The following ACYP2 variants were observed in gnomAD, a reference collection of about 807,000 sequenced individuals.
ACYP2 encodes the protein acylphosphatase-2.
Under a neutral mutation model 11.2 loss-of-function variants are expected in ACYP2, and 12 were observed. The ratio of observed to expected loss-of-function variants is 1.08; its 90% CI spans 0.69 to 1.74. The LOEUF is 1.74. Ranked by LOEUF, ACYP2 falls within the 40% of genes most tolerant of loss-of-function variation. The pLI is 0.00. For missense variants in ACYP2, 134 were observed against 101.9 expected, an observed-to-expected ratio of 1.31 and a Z score of -1.35; for synonymous variants, 43 against 32.2, an observed-to-expected ratio of 1.33 and a Z score of -1.13.
chr2:54,035,249 A>ATTTCTT (rs1197183207), intron 2 of ACYP2, among the ~76,000 whole-genome samples: 1 of 147,864 alleles, frequency 6.8e-6, no homozygotes, highest in Non-Finnish European at 1.5e-5. Context: ...ACTAGAGACA[A>ATTTCTT]TTTCTTTTTC....
chr2:54,240,280 G>C (rs1283550395), intron 6 of ACYP2, among the ~76,000 whole-genome samples: 1 of 152,090 alleles, frequency 6.6e-6, no homozygotes, highest in East Asian at 1.9e-4. Flanking sequence ...CCTAAGAAGG[G>C]AATAATGAAT....
intron 4 of ACYP2, 89 bp from the exon 1 acceptor site, chr2:54,115,526 C>T (rs1256769445): frequency 2.0e-6 from 3 of 1,489,638 alleles, no homozygotes; most frequent in Non-Finnish European, 2.7e-6. Context: ...CTCCCAGGCC[C>T]CGCAGTCTCA....
At chr2:54,191,771 C>G (rs1323559614) in intron 6 of ACYP2, among the ~76,000 whole-genome samples, 4 of 152,160 alleles carry the variant, frequency 2.6e-5, no homozygotes, top group African/African-American at 9.7e-5. Context: ...TTTGAATACC[C>G]TCCCTCCCCC....
chr2:54,098,755 G>A (rs1039202322), intron 4 of ACYP2, among the ~76,000 whole-genome samples: 13 of 147,198 alleles, frequency 8.8e-5, no homozygotes, highest in Non-Finnish European at 1.6e-4. Flanking sequence ...TAAAGACAGG[G>A]TCTCACTCTG....
chr2:54,076,099 C>T (rs959098722), intron 4 of ACYP2, among the ~76,000 whole-genome samples: 3 of 152,152 alleles, frequency 2.0e-5, no homozygotes, highest in Admixed American at 6.5e-5. Context: ...ACAAGTTGAA[C>T]TCTCATTTCT....
chr2:54,063,467 C>T (rs1676574245), intron 4 of ACYP2, among the ~76,000 whole-genome samples: 2 of 152,172 alleles, frequency 1.3e-5, no homozygotes, highest in South Asian at 4.1e-4. Flanking sequence ...TCTGCATCAA[C>T]AAGCAACCTG....
intron 6 of ACYP2, among the ~76,000 whole-genome samples, chr2:54,240,693 A>T (rs1420253856): frequency 4.6e-5 from 7 of 152,060 alleles, no homozygotes; most frequent in African/African-American, 1.4e-4. Flanking sequence ...TAGATGAGCA[A>T]CTCCCTGGTG....
At chr2:54,196,308 G>C (rs1249505520) in intron 6 of ACYP2, among the ~76,000 whole-genome samples, 1 of 151,992 alleles carries the variant, frequency 6.6e-6, no homozygotes, top group Non-Finnish European at 1.5e-5. Flanking sequence ...CACCTCCCAG[G>C]CTCAAGCCAT....
Position 54,057,463 on chromosome 2 carries a change from C to G in ACYP2, c.277+103C>G, listed in dbSNP as rs982408402. ...TTAGCCTCAGGATGGCAGAACTTAT[C>G]TGTTAGAGACATTTTGAGGGAAAAA... is the stretch of plus-strand genomic sequence containing the variant. On this transcript the variant is annotated intron_variant, in intron 4 of 6. Coordinates refer to ENST00000607452, the MANE Select transcript of ACYP2 (RefSeq NM_001320586.2). 2.8e-5 allele frequency: 11 copies of G among 390,606 alleles called. No individual in the cohort carries two copies. In the Admixed American group the frequency reaches 4.9e-4, roughly 17 times the overall value. 24.2% of individuals were successfully genotyped at this position (390,606 alleles called of 1,614,324 possible). A position where few individuals can be genotyped will look rare whatever the true frequency, so the allele number is the denominator to read the frequency against.
chr2:54,027,382 T>C (rs943584563), intron 2 of ACYP2, among the ~76,000 whole-genome samples: 1 of 152,140 alleles, frequency 6.6e-6, no homozygotes, highest in African/African-American at 2.4e-5. Flanking sequence ...CTGCCCTGTA[T>C]CCCAGGGAAG....
chr2:54,201,680 T>TTCTTTCTTTCTTTCTTTCTGTC, intron 6 of ACYP2, among the ~76,000 whole-genome samples: 1 of 107,366 alleles, frequency 9.3e-6, no homozygotes, highest in African/African-American at 3.7e-5. Context: ...CTTTCTTTCT[T>TTCTTTCTTTCTTTCTTTCTGTC]TCTCTCTCTC....
At chr2:53,972,018 T>C (rs1671158448) in intron 1 of ACYP2, among the ~76,000 whole-genome samples, 1 of 152,210 alleles carries the variant, frequency 6.6e-6, no homozygotes, top group African/African-American at 2.4e-5. Flanking sequence ...TTTTTAAGAA[T>C]TACTCTGGCG....
intron 4 of ACYP2, among the ~76,000 whole-genome samples, chr2:54,069,649 A>T (rs1676924230): frequency 6.6e-6 from 1 of 151,920 alleles, no homozygotes; most frequent in South Asian, 2.1e-4. Flanking sequence ...GTGACAGAGC[A>T]AGACTCCGTC....
chr2:54,173,765 A>G (rs1197850747), intron 6 of ACYP2, among the ~76,000 whole-genome samples: 1 of 152,214 alleles, frequency 6.6e-6, no homozygotes, highest in African/African-American at 2.4e-5. Context: ...ATGGCTAGCC[A>G]GTTTTTCCAG....
At chr2:54,098,235 C>A (rs983495296) in intron 4 of ACYP2, among the ~76,000 whole-genome samples, 26 of 152,134 alleles carry the variant, frequency 1.7e-4, no homozygotes, top group Admixed American at 1.7e-3. Flanking sequence ...TCCCAAAGTG[C>A]TGAGATTATA....
chr2:53,997,646 A>G (rs915293862), intron 2 of ACYP2, among the ~76,000 whole-genome samples: 2 of 152,168 alleles, frequency 1.3e-5, no homozygotes, highest in African/African-American at 4.8e-5. Context: ...TAATGAGGAC[A>G]TATCTCTTTT....
At chr2:54,173,368 C>T (rs58842028) in intron 6 of ACYP2, among the ~76,000 whole-genome samples, 7,371 of 152,190 alleles carry the variant, frequency 0.048, 263 homozygotes, top group African/African-American at 0.094. Context: ...CTGTTTATAT[C>T]CTTTGCCCAC....
chr2:54,214,455 T>A (rs964205437), intron 6 of ACYP2, among the ~76,000 whole-genome samples: 1 of 152,268 alleles, frequency 6.6e-6, no homozygotes, highest in Admixed American at 6.5e-5. Context: ...ATCTTCTGCA[T>A]ATGGCTAGCC....
chr2:54,128,333 A>C (rs1680667580), intron 4 of ACYP2, among the ~76,000 whole-genome samples: 1 of 152,206 alleles, frequency 6.6e-6, no homozygotes, highest in African/African-American at 2.4e-5. Context: ...CTGTATCAGC[A>C]AGTGCCTTTC....
Sources: allele counts gnomAD v4.1 joint callset (sites outside exome capture counted in the v4.1 genomes callset), GRCh38; gene constraint gnomAD v4.1.1; transcripts MANE v1.5; gene names NCBI Gene and HGNC (gene_info 2026-07-23, HGNC 2026-07-21).